Variants in GABRB2 observed in about 807,000 individuals in gnomAD.
GABRB2 encodes gamma-aminobutyric acid type A receptor subunit beta2, also known as gamma-aminobutyric acid receptor subunit beta-2.
Under a neutral mutation model 54.7 loss-of-function variants are expected in GABRB2, and 16 were observed. The ratio of observed to expected loss-of-function variants is 0.29; its 90% CI spans 0.20 to 0.44. GABRB2 has a LOEUF of 0.44. GABRB2 is among the 20% of genes least tolerant of loss of function. GABRB2 has a pLI of 1.00. For synonymous variants in GABRB2, 244 were observed against 233.8 expected, an observed-to-expected ratio of 1.04 and a Z score of -0.40; for missense variants, 355 against 644.0, an observed-to-expected ratio of 0.55 and a Z score of 4.86.
At chr5:161,399,683 G>A (rs1358411998) in intron 5 of GABRB2, among the ~76,000 whole-genome samples, 1 of 152,112 alleles carries the variant, frequency 6.6e-6, no homozygotes, top group Non-Finnish European at 1.5e-5. Context: ...TTCTGTTGAA[G>A]CTAGTTTTAT....
intron 4 of GABRB2, among the ~76,000 whole-genome samples, chr5:161,439,626 T>C (rs1017066305): frequency 2.6e-5 from 4 of 152,152 alleles, no homozygotes; most frequent in Admixed American, 2.0e-4. Context: ...CAATAAGATA[T>C]AAATAGAAAA....
At chr5:161,517,184 A>G (rs962610269) in intron 3 of GABRB2, among the ~76,000 whole-genome samples, 1 of 152,156 alleles carries the variant, frequency 6.6e-6, no homozygotes, top group African/African-American at 2.4e-5. Flanking sequence ...GATAGCTGTG[A>G]TGAAGGGGTT....
At chr5:161,391,081 A>G (rs1247143614) in intron 5 of GABRB2, among the ~76,000 whole-genome samples, 1 of 152,158 alleles carries the variant, frequency 6.6e-6, no homozygotes, top group Non-Finnish European at 1.5e-5. Flanking sequence ...ATTAGGTTAT[A>G]TAAACTTTTT....
At chr5:161,541,685 A>G (rs1231123167) in intron 3 of GABRB2, among the ~76,000 whole-genome samples, 1 of 152,216 alleles carries the variant, frequency 6.6e-6, no homozygotes, top group Non-Finnish European at 1.5e-5. Flanking sequence ...AGAATCAAAT[A>G]CAGTTAGGGT....
intron 3 of GABRB2, among the ~76,000 whole-genome samples, chr5:161,527,376 T>C (rs1339499217): frequency 2.0e-5 from 3 of 151,460 alleles, no homozygotes; most frequent in African/African-American, 4.8e-5. Context: ...TATATGAAAA[T>C]TTTCATAAAA....
chr5:161,502,156 C>A (rs1451446735), intron 3 of GABRB2, among the ~76,000 whole-genome samples: 1 of 150,698 alleles, frequency 6.6e-6, no homozygotes, highest in Non-Finnish European at 1.5e-5. Flanking sequence ...CCTAAATGTA[C>A]CTTCATTATG....
At position 161,541,870 on chromosome 5, in the gene GABRB2, C is replaced by A. The variant is rs539502807; in HGVS notation, c.237+3357G>T. Among the ~76,000 whole-genome samples the A allele has an allele frequency of 1.7e-3, 262 of 152,326 alleles. 1 individual carries two copies. The highest frequency in any genetic ancestry group is 6.0e-3 in the African/African-American group (250 of 41,568). ...CCTTCATTGACTCCTCCTTTGCATT[C>A]AAAACTTGGCTGCTTTGAGCAAGAG... is the stretch of plus-strand genomic sequence containing the variant. On this transcript the variant is annotated intron_variant, in intron 3 of 9. Transcript: ENST00000393959.
intron 5 of GABRB2, among the ~76,000 whole-genome samples, chr5:161,375,591 G>A (rs924554428): frequency 6.6e-6 from 1 of 152,130 alleles, no homozygotes. Flanking sequence ...CAACATTATA[G>A]CAAGAGTAAG....
intron 5 of GABRB2, among the ~76,000 whole-genome samples, chr5:161,403,968 T>C (rs1196318017): frequency 1.3e-5 from 2 of 152,156 alleles, no homozygotes; most frequent in South Asian, 2.1e-4. Flanking sequence ...AAGAACACTT[T>C]AGATAGAAAG....
At chr5:161,535,636 C>T (rs1581066116) in intron 3 of GABRB2, among the ~76,000 whole-genome samples, 1 of 152,134 alleles carries the variant, frequency 6.6e-6, no homozygotes, top group Non-Finnish European at 1.5e-5. Flanking sequence ...CTCAGTTTCC[C>T]CTTTTTAAAT....
rs532519978 is a variant in GABRB2 at position 161,479,675 on chromosome 5, C to T, written c.238-19831G>A. Among the ~76,000 whole-genome samples the T allele has an allele frequency of 5.4e-4, 82 of 150,898 alleles. 1 individual carries two copies. The highest frequency in any genetic ancestry group is 1.1e-3 in the Non-Finnish European group (72 of 67,832). The stretch of plus-strand genomic sequence containing the variant: ...CACAATTTCAGCTCACAGCAACTTC[C>T]GCCTCCCAGTTTCAAGCAATTCTCC... On this transcript the variant is annotated intron_variant, in intron 3 of 9. Transcript: ENST00000393959.
intron 4 of GABRB2, among the ~76,000 whole-genome samples, chr5:161,436,967 G>A (rs7721245): frequency 0.22 from 33,723 of 151,748 alleles, 4,626 homozygotes; most frequent in African/African-American, 0.38. Flanking sequence ...GGGGAATCAC[G>A]GATCCCAGCA....
At chr5:161,436,544 A>AAG (rs1757315942) in intron 4 of GABRB2, among the ~76,000 whole-genome samples, 3 of 151,878 alleles carry the variant, frequency 2.0e-5, no homozygotes, top group African/African-American at 4.8e-5. Context: ...AAAAAAAAAA[A>AAG]AGAGAGAGAA....
intron 3 of GABRB2, among the ~76,000 whole-genome samples, chr5:161,519,662 T>TA (rs1760054233): frequency 6.6e-6 from 1 of 152,176 alleles, no homozygotes; most frequent in African/African-American, 2.4e-5. Context: ...TTATAATTAC[T>TA]AAAAAATGAA....
intron 3 of GABRB2, among the ~76,000 whole-genome samples, chr5:161,517,837 C>T (rs1196973323): frequency 1.3e-5 from 2 of 151,464 alleles, no homozygotes; most frequent in African/African-American, 4.9e-5. Flanking sequence ...CACTCTGTTG[C>T]CCATGCTGGA....
At chr5:161,503,042 T>G (rs1759496589) in intron 3 of GABRB2, among the ~76,000 whole-genome samples, 1 of 151,608 alleles carries the variant, frequency 6.6e-6, no homozygotes, top group African/African-American at 2.4e-5. Flanking sequence ...TTAAAGGAAC[T>G]CCTAGACTAG....
At chr5:161,357,036 G>A (rs893466059) in intron 5 of GABRB2, among the ~76,000 whole-genome samples, 3 of 152,174 alleles carry the variant, frequency 2.0e-5, no homozygotes, top group African/African-American at 7.2e-5. Flanking sequence ...TTTTAGCAGG[G>A]GGAGATGGGC....
At chr5:161,503,564 C>T (rs1300382137) in intron 3 of GABRB2, among the ~76,000 whole-genome samples, 1 of 151,822 alleles carries the variant, frequency 6.6e-6, no homozygotes, top group Admixed American at 6.6e-5. Flanking sequence ...CAAAGTTAGC[C>T]GGGCATGGTG....
chr5:161,501,662 G>A (rs967093238), intron 3 of GABRB2, among the ~76,000 whole-genome samples: 2 of 151,856 alleles, frequency 1.3e-5, no homozygotes, highest in African/African-American at 4.8e-5. Context: ...CATTGAACCC[G>A]ATTATCTTTT....
Sources: allele counts gnomAD v4.1 joint callset (sites outside exome capture counted in the v4.1 genomes callset), GRCh38; gene constraint gnomAD v4.1.1; transcripts MANE v1.5; gene names NCBI Gene and HGNC (gene_info 2026-07-23, HGNC 2026-07-21).